Variants in MTA1 observed in about 807,000 individuals in gnomAD.
The protein encoded by MTA1 is metastasis-associated protein MTA1.
Under a neutral mutation model 97.0 loss-of-function variants are expected in MTA1, and 15 were observed. The observed-to-expected ratio is 0.15, with a 90% confidence interval of 0.10 to 0.24. The LOEUF (loss-of-function observed/expected upper bound fraction) is 0.24. MTA1 is among the 10% of genes least tolerant of loss of function. MTA1 has a pLI of 1.00. For missense variants in MTA1, 709 were observed against 1,015.1 expected (o/e 0.70, Z 4.10); for synonymous variants, 435 against 417.5 (o/e 1.04, Z -0.51).
chr14:105,459,872 G>A (rs1218475088), intron 8 of MTA1, among the ~76,000 whole-genome samples: 3 of 2,898 alleles, frequency 1.0e-3, no homozygotes, highest in African/African-American at 1.1e-3. Flanking sequence ...GGTCCCTGGC[G>A]CCTGGGGAGC....
At chr14:105,466,318 G>A in intron 16 of MTA1, 108 bp from the exon 17 acceptor site, 2 of 1,030,202 alleles carry the variant, frequency 1.9e-6, no homozygotes, top group Non-Finnish European at 2.9e-6. Context: ...GCCGCATGGG[G>A]CTTAGTTCCT....
At chr14:105,469,772 C>T (rs886716881) in intron 19 of MTA1, 69 bp from the exon 20 acceptor site, 34 of 312,712 alleles carry the variant, frequency 1.1e-4, no homozygotes, top group Non-Finnish European at 1.5e-4. Context: ...CACCTCCCAG[C>T]GGGAGCCCTG....
At chr14:105,450,658 G>A (rs781916948) in intron 6 of MTA1, among the ~76,000 whole-genome samples, 8 of 152,180 alleles carry the variant, frequency 5.3e-5, no homozygotes, top group Non-Finnish European at 8.8e-5. Context: ...CTTCGCAGGA[G>A]TCTTGGCTGG....
intron 6 of MTA1, among the ~76,000 whole-genome samples, chr14:105,453,339 T>TTGC (rs1157267225): frequency 6.6e-6 from 1 of 152,256 alleles, no homozygotes; most frequent in Non-Finnish European, 1.5e-5. Flanking sequence ...CATCTTCACA[T>TTGC]TGCTGCTGCT....
In MTA1 at chr14:105,441,619, T is replaced by C. The variant is rs587745450; in HGVS notation, c.96+2880T>C. The stretch of plus-strand genomic sequence containing the variant: ...ACCATCCTGGCTAATACGGTGAAAC[T>C]CCGTCTCTACTAAAAATACAAAAAA... On this transcript the variant is annotated intron_variant, in intron 2 of 20. Transcript: ENST00000331320. 1.8e-3 allele frequency among the ~76,000 whole-genome samples: 277 copies of C among 152,062 alleles called. 3 individuals carry two copies. The highest frequency in any genetic ancestry group is 8.9e-3 in the South Asian group (43 of 4,812).
Position 105,465,075 on chromosome 14 carries a change from A to G in MTA1, c.1535-19A>G. On this transcript the variant is annotated intron_variant, in intron 15 of 20. Coordinates refer to ENST00000331320, the MANE Select transcript of MTA1 (RefSeq NM_004689.4). ...CCCCTGGGGGTGCCCCACCCCTCACACCGTGTGGTACCCCGCAGGCACGGC... is the reference window on the plus strand; with the variant it reads ...CCCCTGGGGGTGCCCCACCCCTCACGCCGTGTGGTACCCCGCAGGCACGGC... The G allele has an allele frequency of 6.7e-7, 1 of 1,493,430 alleles. No homozygotes were observed. Among genetic ancestry groups the G allele is most frequent in the Non-Finnish European group, 9.0e-7 (1 of 1,115,796 alleles). The allele number at this position is 1,493,430 out of a possible 1,614,324, so 92.5% of individuals were successfully genotyped here.
At position 105,422,103 on chromosome 14, in the gene MTA1, G is replaced by A. The variant is rs1426353012; in HGVS notation, c.28+2040G>A. On this transcript the variant is annotated intron_variant, in intron 1 of 20. Coordinates refer to ENST00000331320, the MANE Select transcript of MTA1 (RefSeq NM_004689.4). The surrounding 1 kb of genome is among the most constrained non-coding windows in gnomAD (Gnocchi z 4.3). ...GTCCGTGGTCACTGTGGCCGGGTGT[G>A]CTCGGAGCTGTCAGGCCCCCCACGT... Among the ~76,000 whole-genome samples, 4 of 152,214 alleles carry A rather than the reference G, an allele frequency of 2.6e-5. No homozygotes were observed. Among genetic ancestry groups the A allele is most frequent in the African/African-American group, 9.6e-5 (4 of 41,456 alleles).
chr14:105,459,524 G>A lies in MTA1; in HGVS notation c.654-834G>A, dbSNP rs587661193. Reference sequence around the variant, plus strand: ...GTGGCCCCTGGTCCCTGGCGCCTGGGGAGCTGTGTGCCTGGGGGCAGTCCG... The same window carrying A: ...GTGGCCCCTGGTCCCTGGCGCCTGGAGAGCTGTGTGCCTGGGGGCAGTCCG... On this transcript the variant is annotated intron_variant, in intron 8 of 20. Coordinates refer to ENST00000331320, the MANE Select transcript of MTA1 (RefSeq NM_004689.4). Among the ~76,000 whole-genome samples the A allele has an allele frequency of 8.0e-4, 3 of 3,764 alleles. 1 individual carries two copies. Among genetic ancestry groups the A allele is most frequent in the African/African-American group, 9.6e-4 (3 of 3,110 alleles). The allele number at this position is 3,764 out of a possible 152,430, so 2.5% of individuals were successfully genotyped here.
intron 6 of MTA1, among the ~76,000 whole-genome samples, chr14:105,450,825 T>C (rs1312521966): frequency 6.6e-6 from 1 of 152,184 alleles, no homozygotes; most frequent in Admixed American, 6.5e-5. Context: ...CCAAAAAATG[T>C]GTCCCGACAA....
intron 1 of MTA1, among the ~76,000 whole-genome samples, chr14:105,426,189 C>T (rs1044236907): frequency 1.3e-5 from 2 of 152,048 alleles, no homozygotes; most frequent in African/African-American, 4.8e-5. Context: ...GGGGACCACG[C>T]GTCCCTTCCC....
chr14:105,445,285 C>T (rs2082678526), intron 2 of MTA1, 133 bp from the exon 3 acceptor site: 2 of 723,054 alleles, frequency 2.8e-6, no homozygotes, highest in Non-Finnish European at 2.3e-6. Flanking sequence ...AAGTGCCCTC[C>T]TGGAGTCCCG....
Position 105,463,973 on chromosome 14 carries a change from A to G in MTA1, c.1077-59A>G. ...GTCAGCCGCGGTGCCTGCTGGGCACATGGGCCCTCGAGGTTTGTGCTCCTG... is the reference window on the plus strand; with the variant it reads ...GTCAGCCGCGGTGCCTGCTGGGCACGTGGGCCCTCGAGGTTTGTGCTCCTG... On this transcript the variant is annotated intron_variant, in intron 12 of 20. Transcript: ENST00000331320. This position sits in a 1 kb window ranked among gnomAD's most constrained non-coding sequence, Gnocchi z 5.9. The G allele has an allele frequency of 1.9e-6, 3 of 1,554,226 alleles. No homozygotes were observed. The highest frequency in any genetic ancestry group is 2.3e-5 in the East Asian group (1 of 44,440).
At chr14:105,461,855 T>A (rs1555431089) in intron 10 of MTA1, among the ~76,000 whole-genome samples, 2 of 152,186 alleles carry the variant, frequency 1.3e-5, no homozygotes, top group Non-Finnish European at 2.9e-5. Context: ...TCCCTGACTG[T>A]CCCTGGGGCC....
Position 105,466,426 on chromosome 14 carries a change from A to C in MTA1, c.1625A>C (p.Glu542Ala). Residue 542 changes from glutamate (E) to alanine (A), a missense_variant and splice_region_variant, in exon 17 of 21, where the codon GAG becomes GCG. Transcript: ENST00000331320. Reference sequence around the variant, plus strand: ...GTTCTGCCTGTGTCATTCCCGGCAGAGACCCACCCCCGCCCCCCCAAGCCT... The same window carrying C: ...GTTCTGCCTGTGTCATTCCCGGCAGCGACCCACCCCCGCCCCCCCAAGCCT... ...KPLEAVLRYL[E>A]THPRPPKPDP... The C allele has an allele frequency of 6.7e-7, 1 of 1,484,204 alleles. No homozygotes were observed. The highest frequency in any genetic ancestry group is 9.3e-7 in the Non-Finnish European group (1 of 1,071,304). 91.9% of individuals were successfully genotyped at this position (1,484,204 alleles called of 1,614,324 possible). A position where few individuals can be genotyped will look rare whatever the true frequency, so the allele number is the denominator to read the frequency against.
chr14:105,468,136 C>G (rs1021336062), intron 18 of MTA1: 4 of 398,778 alleles, frequency 1.0e-5, no homozygotes, highest in African/African-American at 8.3e-5. Context: ...GAGGTGGGGT[C>G]TCTGTCCAGC....
intron 3 of MTA1, among the ~76,000 whole-genome samples, chr14:105,447,562 G>A (rs782448622): frequency 5.3e-5 from 8 of 152,312 alleles, no homozygotes; most frequent in South Asian, 4.1e-4. Context: ...GAAGGGCCTC[G>A]TTGGGGCTGA....
chr14:105,453,216 G>A (rs1183291204), intron 6 of MTA1, among the ~76,000 whole-genome samples: 4 of 152,296 alleles, frequency 2.6e-5, no homozygotes, highest in African/African-American at 9.6e-5. Context: ...CGCGGGTGGC[G>A]GCCGGCGGTG....
At chr14:105,434,108 C>T (rs1178749357) in intron 1 of MTA1, among the ~76,000 whole-genome samples, 1 of 152,170 alleles carries the variant, frequency 6.6e-6, no homozygotes, top group African/African-American at 2.4e-5. Context: ...TGAGCCACTG[C>T]GCCTGGCCCA....
intron 7 of MTA1, 76 bp from the exon 8 acceptor site, chr14:105,458,194 C>T (rs1456951327): frequency 9.4e-5 from 121 of 1,289,634 alleles, no homozygotes; most frequent in Non-Finnish European, 1.3e-4. Flanking sequence ...AGCAGCTCCC[C>T]GCACCCGGGG....
Sources: gnomAD v4.1 joint callset for allele counts (sites outside exome capture counted in the v4.1 genomes callset) on GRCh38, gnomAD v4.1.1 for gene constraint, Gnocchi (gnomAD v3.1) non-coding constraint, MANE v1.5 for transcripts, NCBI Gene and HGNC (gene_info 2026-07-23, HGNC 2026-07-21) for gene names.